PINX1: variants seen among roughly 807,000 people sequenced by gnomAD.
PINX1 encodes PIN2/TERF1-interacting telomerase inhibitor 1.
In PINX1, 34 loss-of-function variants were observed where a neutral mutation model predicts 25.4. The ratio of observed to expected loss-of-function variants is 1.34; its 90% confidence interval spans 1.02 to 1.78. The LOEUF (loss-of-function observed/expected upper bound fraction) is 1.78, where lower values mean the gene tolerates loss of function less well. PINX1 is among the 40% of genes most tolerant of loss of function. PINX1 has a pLI of 0.00. For synonymous variants in PINX1, 197 were observed against 147.7 expected (o/e 1.33, Z -2.42); for missense variants, 592 against 404.9 (o/e 1.46, Z -3.97).
chr8:10,776,220 G>A (rs994796193), intron 6 of PINX1, among the ~76,000 whole-genome samples: 1 of 152,096 alleles, frequency 6.6e-6, no homozygotes, highest in Non-Finnish European at 1.5e-5. Flanking sequence ...AAGATCAGGA[G>A]TTCGAGACCA....
At chr8:10,776,877 T>C (rs1176781836) in intron 6 of PINX1, among the ~76,000 whole-genome samples, 1 of 152,176 alleles carries the variant, frequency 6.6e-6, no homozygotes, top group Non-Finnish European at 1.5e-5. Context: ...AGGTCCCCCT[T>C]CTTCCTGTTT....
At chr8:10,836,273 T>C (rs1798404183) in intron 1 of PINX1, among the ~76,000 whole-genome samples, 1 of 152,162 alleles carries the variant, frequency 6.6e-6, no homozygotes, top group Non-Finnish European at 1.5e-5. Flanking sequence ...CTCGAATTTG[T>C]AGTGTTTTGC....
At chr8:10,822,460 T>A (rs1797907788) in intron 5 of PINX1, among the ~76,000 whole-genome samples, 1 of 152,178 alleles carries the variant, frequency 6.6e-6, no homozygotes, top group South Asian at 2.1e-4. Flanking sequence ...TGCGTAACAT[T>A]TCCAGAACCA....
At chr8:10,802,251 C>T (rs1313434730) in intron 6 of PINX1, among the ~76,000 whole-genome samples, 1 of 152,194 alleles carries the variant, frequency 6.6e-6, no homozygotes, top group East Asian at 1.9e-4. Context: ...TAGGGGGAAG[C>T]TCACAAGGCT....
intron 6 of PINX1, among the ~76,000 whole-genome samples, chr8:10,789,879 G>GTACAA (rs1292175440): frequency 6.6e-6 from 1 of 152,028 alleles, no homozygotes; most frequent in Non-Finnish European, 1.5e-5. Context: ...AATGTACTAT[G>GTACAA]TACAGGTCAT....
chr8:10,790,441 T>A (rs974986042), intron 6 of PINX1, among the ~76,000 whole-genome samples: 2 of 151,978 alleles, frequency 1.3e-5, no homozygotes, highest in African/African-American at 2.4e-5. Flanking sequence ...GAAGCAAGGG[T>A]GAGCCAGCAG....
At chr8:10,766,694 C>T (rs1378256989) in intron 6 of PINX1, among the ~76,000 whole-genome samples, 2 of 152,224 alleles carry the variant, frequency 1.3e-5, no homozygotes, top group East Asian at 1.9e-4. Context: ...GTTACTCACA[C>T]ATAACAGCTG....
chr8:10,810,558 C>G (rs916256605), intron 6 of PINX1, among the ~76,000 whole-genome samples: 3 of 152,090 alleles, frequency 2.0e-5, no homozygotes, highest in African/African-American at 4.8e-5. Flanking sequence ...TATTGAGAAC[C>G]CACTCCATGC....
In PINX1 at chr8:10,765,691, T is replaced by G. The variant is rs1801013806; in HGVS notation, c.697A>C (p.Lys233Gln). 6.2e-7 allele frequency: 1 copy of G among 1,614,046 alleles called. No homozygotes were observed. Among genetic ancestry groups the G allele is most frequent in the Non-Finnish European group, 8.5e-7 (1 of 1,179,900 alleles). ...TCGGGCTTTCCCTCCGTGTGCCTCTTGGCCTTAGGCTGGAGGTAACTTTCC... is the reference window on the plus strand; with the variant it reads ...TCGGGCTTTCCCTCCGTGTGCCTCTGGGCCTTAGGCTGGAGGTAACTTTCC... Reference protein sequence around the residue: ...DVESYLQPKAKRHTEGKPERA... With the variant: ...DVESYLQPKAQRHTEGKPERA... Residue 233 changes from lysine to glutamine, a missense_variant, in exon 7 of 7, where the codon AAG becomes CAG. Lys to Gln is a moderately conservative substitution (Grantham distance 53). Transcript: ENST00000314787.
intron 6 of PINX1, among the ~76,000 whole-genome samples, chr8:10,768,320 C>G (rs1801122436): frequency 6.6e-6 from 1 of 152,212 alleles, no homozygotes; most frequent in African/African-American, 2.4e-5. Context: ...TTACCTTGCT[C>G]ATCTATTTAT....
intron 6 of PINX1, among the ~76,000 whole-genome samples, chr8:10,819,608 A>G (rs1586192514): frequency 1.3e-5 from 2 of 152,258 alleles, no homozygotes; most frequent in East Asian, 3.8e-4. Context: ...TAATAATTAG[A>G]ATAAATTATG....
chr8:10,793,008 T>C (rs1381535498), intron 6 of PINX1, among the ~76,000 whole-genome samples: 3 of 152,148 alleles, frequency 2.0e-5, no homozygotes, highest in African/African-American at 4.8e-5. Context: ...ATGGATTTGC[T>C]AGATCCTGCT....
rs753820784 is a variant in PINX1, at chr8:10,765,547, C to G, written c.841G>C (p.Val281Leu). ...KASAQDAGDH[V>L]QPPEGRDFTL... ...AAGTCCCGGCCCTCAGGCGGCTGCACATGGTCCCCTGCATCCTGAGCAGAG... is the reference window on the plus strand; with the variant it reads ...AAGTCCCGGCCCTCAGGCGGCTGCAGATGGTCCCCTGCATCCTGAGCAGAG... Residue 281 changes from valine to leucine, a missense_variant, in exon 7 of 7, where the codon GTG (valine) becomes CTG (leucine). Transcript: ENST00000314787. 6.2e-7 allele frequency: 1 copy of G among 1,613,784 alleles called. No homozygotes were observed. The highest frequency in any genetic ancestry group is 2.2e-5 in the East Asian group (1 of 44,872).
chr8:10,796,242 G>T (rs1427912792), intron 6 of PINX1, among the ~76,000 whole-genome samples: 5 of 152,270 alleles, frequency 3.3e-5, no homozygotes, highest in African/African-American at 1.2e-4. Context: ...AAGAAACAGG[G>T]CAGCTTGGGG....
chr8:10,766,049 G>C (rs968041166), intron 6 of PINX1, 133 bp from the exon 7 acceptor site: 1 of 799,270 alleles, frequency 1.3e-6, no homozygotes, highest in Non-Finnish European at 2.0e-6. Context: ...CCCACACCCG[G>C]CACTTAGGAG....
At chr8:10,802,235 T>A (rs1035722032) in intron 6 of PINX1, among the ~76,000 whole-genome samples, 1 of 152,196 alleles carries the variant, frequency 6.6e-6, no homozygotes, top group African/African-American at 2.4e-5. Context: ...GAACAGAGAA[T>A]TGCTTTAGGG....
chr8:10,819,905 C>A (rs1229490401), intron 6 of PINX1, among the ~76,000 whole-genome samples: 4 of 152,160 alleles, frequency 2.6e-5, no homozygotes, highest in Non-Finnish European at 1.5e-5. Context: ...CTGATTGTAT[C>A]GGCAATGGGT....
At chr8:10,809,633 T>C (rs1375665019) in intron 6 of PINX1, among the ~76,000 whole-genome samples, 1 of 152,160 alleles carries the variant, frequency 6.6e-6, no homozygotes, top group African/African-American at 2.4e-5. Context: ...GTGAGGGCAC[T>C]GAAAACACAA....
chr8:10,818,244 T>TAC (rs1797759662), intron 6 of PINX1, among the ~76,000 whole-genome samples: 1 of 152,178 alleles, frequency 6.6e-6, no homozygotes, highest in Non-Finnish European at 1.5e-5. Context: ...TGATCATCTC[T>TAC]ACACACACTG....
Sources: gnomAD v4.1 joint callset for allele counts (sites outside exome capture counted in the v4.1 genomes callset) on GRCh38, gnomAD v4.1.1 for gene constraint, MANE v1.5 for transcripts, NCBI Gene and HGNC (gene_info 2026-07-23, HGNC 2026-07-21) for gene names.